Variants in UBR3 observed in about 807,000 individuals in gnomAD.
The protein encoded by UBR3 is ubiquitin protein ligase E3 component n-recognin 3.
In UBR3, 85 loss-of-function variants were observed where a neutral mutation model predicts 243.2. The observed-to-expected ratio is 0.35, with a 90% CI of 0.29 to 0.42. The LOEUF (loss-of-function observed/expected upper bound fraction) is 0.42, where lower values mean the gene tolerates loss of function less well. UBR3 is among the 10% of genes least tolerant of loss of function. UBR3 has a pLI of 1.00. For missense variants in UBR3, 1,686 were observed against 2,300.8 expected (o/e 0.73, Z 5.47); for synonymous variants, 748 against 799.8 (o/e 0.94, Z 1.09).
At position 170,034,944 on chromosome 2, in the gene UBR3, T is replaced by C. The variant is rs567828236; in HGVS notation, c.4556+5496T>C. Among the ~76,000 whole-genome samples the C allele has an allele frequency of 3.3e-5, 5 of 151,798 alleles. No individual in the cohort carries two copies. In the East Asian group the frequency reaches 7.7e-4, roughly 23 times the overall value. On this transcript the variant is annotated intron_variant, in intron 31 of 38. Transcript: ENST00000272793. ...ATACGGTCTGGAGCATCTTTTCATA[T>C]GCTTATTAAGCATCTGTATATCTTC...
chr2:169,985,343 C>G (rs533087225), intron 24 of UBR3, among the ~76,000 whole-genome samples: 16 of 151,116 alleles, frequency 1.1e-4, no homozygotes, highest in Non-Finnish European at 1.9e-4. Flanking sequence ...ATTTTCCTGC[C>G]TTAGCCTTCC....
chr2:170,024,781 T>C (rs909443823), intron 30 of UBR3, among the ~76,000 whole-genome samples: 2 of 152,174 alleles, frequency 1.3e-5, no homozygotes, highest in Non-Finnish European at 2.9e-5. Context: ...AGTAATGATG[T>C]GTCTGTCTTG....
chr2:170,056,010 T>C (rs1354071936), intron 33 of UBR3, among the ~76,000 whole-genome samples: 18 of 118,994 alleles, frequency 1.5e-4, no homozygotes, highest in African/African-American at 3.0e-4. Flanking sequence ...TTTCTTTTTT[T>C]TTTTTTTTTT....
chr2:169,907,206 T>C (rs1365480660), intron 10 of UBR3, among the ~76,000 whole-genome samples: 1 of 151,946 alleles, frequency 6.6e-6, no homozygotes, highest in Non-Finnish European at 1.5e-5. Flanking sequence ...CTGGCTAATT[T>C]TTGTATTTTT....
chr2:169,993,390 G>C (rs1459110549), intron 25 of UBR3, among the ~76,000 whole-genome samples: 1 of 152,090 alleles, frequency 6.6e-6, no homozygotes, highest in Non-Finnish European at 1.5e-5. Flanking sequence ...GATATTTCTT[G>C]ATCCACAATC....
At chr2:169,930,571 A>G (rs2086083885) in intron 18 of UBR3, among the ~76,000 whole-genome samples, 1 of 152,000 alleles carries the variant, frequency 6.6e-6, no homozygotes, top group Non-Finnish European at 1.5e-5. Context: ...TGTTTTGTAG[A>G]GACAGGGCCT....
intron 17 of UBR3, among the ~76,000 whole-genome samples, chr2:169,928,180 T>C (rs552831573): frequency 6.6e-6 from 1 of 152,314 alleles, no homozygotes; most frequent in Admixed American, 6.5e-5. Flanking sequence ...GTGTCAGTGC[T>C]ATTATAGAGT....
chr2:169,992,261 A>G (rs1296385304), intron 25 of UBR3, among the ~76,000 whole-genome samples: 1 of 152,206 alleles, frequency 6.6e-6, no homozygotes, highest in Non-Finnish European at 1.5e-5. Flanking sequence ...TGATTCAGTA[A>G]TTTTTAAAAA....
chr2:170,080,489 T>C (rs556507171), intron 37 of UBR3, 56 bp from the exon 38 acceptor site: 26 of 1,469,176 alleles, frequency 1.8e-5, no homozygotes, highest in Middle Eastern at 3.6e-4. Flanking sequence ...TATTCTTGAT[T>C]TTATTATAAA....
chr2:170,048,430 G>A (rs2091140690), intron 32 of UBR3, among the ~76,000 whole-genome samples: 1 of 152,154 alleles, frequency 6.6e-6, no homozygotes, highest in Non-Finnish European at 1.5e-5. Flanking sequence ...GAGGCATGAA[G>A]CTAAATTGCT....
At chr2:169,882,498 T>A (rs1045088192) in intron 5 of UBR3, among the ~76,000 whole-genome samples, 26 of 150,654 alleles carry the variant, frequency 1.7e-4, no homozygotes, top group African/African-American at 6.1e-4. Context: ...CCCAGCATTT[T>A]GGGAGGCCGA....
chr2:169,871,975 G>A (rs2083453854), intron 1 of UBR3, among the ~76,000 whole-genome samples: 1 of 151,958 alleles, frequency 6.6e-6, no homozygotes, highest in Admixed American at 6.6e-5. Context: ...AAAAAAAAGT[G>A]CCCTGTAATG....
chr2:169,894,322 G>GAAAAA (rs59525862), intron 6 of UBR3, among the ~76,000 whole-genome samples: 4 of 78,244 alleles, frequency 5.1e-5, no homozygotes, highest in Non-Finnish European at 6.6e-5. Context: ...TGACTCTTAA[G>GAAAAA]AAAAAAAAAA....
chr2:170,007,342 A>G, intron 28 of UBR3, 152 bp downstream of exon 28: 2 of 773,804 alleles, frequency 2.6e-6, no homozygotes, highest in Non-Finnish European at 4.0e-6. Flanking sequence ...ATACTTAAAT[A>G]AAAGTAATAG....
intron 24 of UBR3, among the ~76,000 whole-genome samples, chr2:169,977,170 T>C (rs2088487844): frequency 6.6e-6 from 1 of 152,198 alleles, no homozygotes; most frequent in African/African-American, 2.4e-5. Context: ...TTGTATCTAA[T>C]TGAGTTTCCT....
At chr2:169,851,648 A>G (rs2082660824) in intron 1 of UBR3, among the ~76,000 whole-genome samples, 2 of 151,930 alleles carry the variant, frequency 1.3e-5, no homozygotes, top group African/African-American at 4.8e-5. Flanking sequence ...AGCGGATCAC[A>G]AGGTCAAGAG....
At chr2:170,069,083 C>CTAT (rs1431241866) in intron 35 of UBR3, among the ~76,000 whole-genome samples, 1 of 151,976 alleles carries the variant, frequency 6.6e-6, no homozygotes, top group African/African-American at 2.4e-5. Context: ...ACTCCTGAAC[C>CTAT]TATTTCAGAA....
At chr2:170,060,256 G>C (rs1205564734) in intron 33 of UBR3, among the ~76,000 whole-genome samples, 1 of 151,994 alleles carries the variant, frequency 6.6e-6, no homozygotes, top group African/African-American at 2.4e-5. Flanking sequence ...AATATAAAAA[G>C]AACTGCATTT....
At chr2:170,023,688 A>G (rs1574412439) in intron 30 of UBR3, among the ~76,000 whole-genome samples, 2 of 151,426 alleles carry the variant, frequency 1.3e-5, no homozygotes, top group East Asian at 3.9e-4. Context: ...TGTCTCCCGG[A>G]TTCAAGCGAT....
Sources: allele counts gnomAD v4.1 joint callset (sites outside exome capture counted in the v4.1 genomes callset), GRCh38; gene constraint gnomAD v4.1.1; transcripts MANE v1.5; gene names NCBI Gene and HGNC (gene_info 2026-07-23, HGNC 2026-07-21).